RBPMS: variants seen among roughly 807,000 people sequenced by gnomAD.
RBPMS encodes the protein RNA binding protein, mRNA processing factor.
Under a neutral mutation model 26.8 loss-of-function variants are expected in RBPMS, and 7 were observed. The observed-to-expected ratio is 0.26, with a 90% CI of 0.15 to 0.49. RBPMS has a LOEUF of 0.49. Ranked by LOEUF, RBPMS falls within the 20% of genes least tolerant of loss-of-function variation. The pLI, the probability that RBPMS is intolerant of heterozygous loss-of-function variation, is 0.98. For missense variants in RBPMS, 186 were observed against 250.0 expected (o/e 0.74, Z 1.73); for synonymous variants, 96 against 93.3 (o/e 1.03, Z -0.17).
intron 4 of RBPMS, among the ~76,000 whole-genome samples, chr8:30,497,760 C>T (rs1820135606): frequency 6.6e-6 from 1 of 151,866 alleles, no homozygotes; most frequent in African/African-American, 2.4e-5. Context: ...GTAGCTGGGA[C>T]TACAGGCGCC....
At chr8:30,566,629 C>G (rs1194710644) in intron 8 of RBPMS, among the ~76,000 whole-genome samples, 2 of 152,250 alleles carry the variant, frequency 1.3e-5, no homozygotes, top group Admixed American at 1.3e-4. Flanking sequence ...CCATGAACAT[C>G]TGGCTGTCCA....
At chr8:30,411,681 A>G (rs73569775) in intron 1 of RBPMS, among the ~76,000 whole-genome samples, 52 of 127,940 alleles carry the variant, frequency 4.1e-4, no homozygotes, top group Middle Eastern at 4.5e-3. Flanking sequence ...AAAAAAAAAA[A>G]AAAGAAAAAG....
chr8:30,516,684 A>T (rs1822341387), intron 5 of RBPMS, among the ~76,000 whole-genome samples: 1 of 152,220 alleles, frequency 6.6e-6, no homozygotes, highest in South Asian at 2.1e-4. Flanking sequence ...CATTTATAAA[A>T]TTTTTTAAAT....
At chr8:30,519,793 G>A (rs1228458069) in intron 5 of RBPMS, among the ~76,000 whole-genome samples, 3 of 151,864 alleles carry the variant, frequency 2.0e-5, no homozygotes, top group Non-Finnish European at 4.4e-5. Context: ...GCGCCTGGCC[G>A]GATCTCTCTT....
chr8:30,410,934 G>A (rs1305855539), intron 1 of RBPMS, among the ~76,000 whole-genome samples: 1 of 152,038 alleles, frequency 6.6e-6, no homozygotes, highest in Non-Finnish European at 1.5e-5. Context: ...GGGATGGGGT[G>A]TTGCTACTTT....
chr8:30,571,567 T>G lies in RBPMS; in HGVS notation c.*1042T>G, dbSNP rs1297645719. ...ATGTCTGTATCTCCAAAGTGATGTT[T>G]GTTTGCAAAACACCGGCTGAACTGA... On this transcript the variant is annotated 3_prime_UTR_variant, in exon 9 of 9. Transcript: ENST00000397323. 6.6e-6 allele frequency: 1 copy of G among 152,268 alleles called. No homozygotes were observed. The highest frequency in any genetic ancestry group is 1.9e-4 in the East Asian group (1 of 5,200). The allele number at this position is 152,268 out of a possible 1,614,324, so 9.4% of individuals were successfully genotyped here.
chr8:30,437,549 G>A (rs1042403192), intron 1 of RBPMS, among the ~76,000 whole-genome samples: 9 of 151,836 alleles, frequency 5.9e-5, no homozygotes, highest in South Asian at 2.1e-4. Context: ...CCAGCACTTC[G>A]GGAGGCCGAG....
chr8:30,432,107 C>T (rs562979361), intron 1 of RBPMS, among the ~76,000 whole-genome samples: 1 of 152,258 alleles, frequency 6.6e-6, no homozygotes, highest in South Asian at 2.1e-4. Flanking sequence ...GCCTGGACAA[C>T]AGAGTGAGAC....
At chr8:30,528,774 C>A (rs7013873) in intron 5 of RBPMS, among the ~76,000 whole-genome samples, 1 of 152,012 alleles carries the variant, frequency 6.6e-6, no homozygotes, top group East Asian at 1.9e-4. Flanking sequence ...GGTTTTAAGC[C>A]AAGTCTGTCA....
intron 5 of RBPMS, among the ~76,000 whole-genome samples, chr8:30,527,714 G>GA (rs903552247): frequency 1.3e-5 from 2 of 152,042 alleles, no homozygotes; most frequent in African/African-American, 4.8e-5. Flanking sequence ...GATCCAGCAT[G>GA]AAAAAAATGA....
At chr8:30,530,462 T>C (rs1447491680) in intron 5 of RBPMS, among the ~76,000 whole-genome samples, 1 of 152,142 alleles carries the variant, frequency 6.6e-6, no homozygotes, top group East Asian at 1.9e-4. Context: ...GAAGTTTTCT[T>C]TTTTTCTTTT....
intron 4 of RBPMS, among the ~76,000 whole-genome samples, chr8:30,486,837 A>T (rs1818847324): frequency 6.6e-6 from 1 of 152,198 alleles, no homozygotes; most frequent in East Asian, 1.9e-4. Flanking sequence ...TTTCCATCAG[A>T]TAATTACATG....
chr8:30,426,245 A>AT (rs1187028996), intron 1 of RBPMS, among the ~76,000 whole-genome samples: 1 of 152,086 alleles, frequency 6.6e-6, no homozygotes, highest in Non-Finnish European at 1.5e-5. Context: ...CGTGGTGATT[A>AT]TTTTTTTCCT....
At chr8:30,499,834 A>G (rs1441632757) in intron 4 of RBPMS, among the ~76,000 whole-genome samples, 2 of 151,746 alleles carry the variant, frequency 1.3e-5, no homozygotes, top group African/African-American at 4.9e-5. Flanking sequence ...AAAGAATAGC[A>G]TGCTTGCTAC....
At chr8:30,543,501 TG>T (rs1825601543) in intron 5 of RBPMS, among the ~76,000 whole-genome samples, 1 of 152,210 alleles carries the variant, frequency 6.6e-6, no homozygotes, top group Non-Finnish European at 1.5e-5. Context: ...AATCACCTTT[TG>T]CTGACTCCCG....
At chr8:30,425,352 A>G (rs543712076) in intron 1 of RBPMS, among the ~76,000 whole-genome samples, 5 of 152,238 alleles carry the variant, frequency 3.3e-5, no homozygotes. Flanking sequence ...CTCTGCATCC[A>G]TAATTTAAGT....
intron 4 of RBPMS, among the ~76,000 whole-genome samples, chr8:30,502,537 T>C (rs945764469): frequency 7.9e-5 from 12 of 152,196 alleles, no homozygotes; most frequent in Admixed American, 7.9e-4. Context: ...TCAAGTTTAG[T>C]GCCGGGGAGG....
chr8:30,511,478 AAAAAAAAAATATATATATATATAT>A (rs1338738617), intron 5 of RBPMS, among the ~76,000 whole-genome samples: 21 of 17,190 alleles, frequency 1.2e-3, no homozygotes, highest in African/African-American at 3.0e-3. Context: ...AAAGAAAAAA[AAAAAAAAAATATATATATATATAT>A]ATATATATAT....
At chr8:30,503,126 C>A (rs1341620914) in intron 4 of RBPMS, among the ~76,000 whole-genome samples, 12 of 152,154 alleles carry the variant, frequency 7.9e-5, no homozygotes, top group Admixed American at 7.2e-4. Flanking sequence ...CCTTCCCCTT[C>A]CCCCCTTGTT....
Sources: allele counts gnomAD v4.1 joint callset (sites outside exome capture counted in the v4.1 genomes callset), GRCh38; gene constraint gnomAD v4.1.1; transcripts MANE v1.5; gene names NCBI Gene and HGNC (gene_info 2026-07-23, HGNC 2026-07-21).